Variants in FGGY observed in about 807,000 individuals in gnomAD.
FGGY encodes the protein FGGY carbohydrate kinase domain-containing protein.
FGGY carries 72 observed loss-of-function variants against 71.3 expected under a neutral mutation model. The ratio of observed to expected loss-of-function variants is 1.01; its 90% CI spans 0.84 to 1.23. FGGY has a LOEUF of 1.23. Among genes scored for constraint, FGGY ranks in the 50% most tolerant of loss-of-function variants. FGGY has a pLI of 0.00. For missense variants in FGGY, 668 were observed against 682.3 expected (o/e 0.98, Z 0.23); for synonymous variants, 251 against 250.3 (o/e 1.00, Z -0.02).
chr1:59,351,556 G>A (rs181470871), intron 4 of FGGY, among the ~76,000 whole-genome samples: 2 of 152,236 alleles, frequency 1.3e-5, no homozygotes, highest in African/African-American at 2.4e-5. Context: ...TATCCACCTC[G>A]TTCTTTGCTA....
chr1:59,678,034 G>A (rs990551188), intron 14 of FGGY, among the ~76,000 whole-genome samples: 1 of 152,150 alleles, frequency 6.6e-6, no homozygotes, highest in African/African-American at 2.4e-5. Context: ...TTTAGAAAGG[G>A]TGTTTTCCTT....
chr1:59,612,563 C>G (rs979613915), intron 9 of FGGY, among the ~76,000 whole-genome samples: 12 of 152,172 alleles, frequency 7.9e-5, no homozygotes, highest in African/African-American at 2.9e-4. Flanking sequence ...TAAAGACCAT[C>G]AAGGCTGGGA....
At chr1:59,519,938 G>C (rs1287938465) in intron 7 of FGGY, among the ~76,000 whole-genome samples, 1 of 152,210 alleles carries the variant, frequency 6.6e-6, no homozygotes, top group Non-Finnish European at 1.5e-5. Flanking sequence ...CCCCTCAGGG[G>C]ACATTTGGCA....
intron 10 of FGGY, among the ~76,000 whole-genome samples, chr1:59,630,277 C>T (rs1406936749): frequency 6.6e-6 from 1 of 152,100 alleles, no homozygotes; most frequent in Non-Finnish European, 1.5e-5. Context: ...TTGGTAGGGA[C>T]ACAGCCAAAC....
chr1:59,544,905 A>G (rs2095498730), intron 7 of FGGY, among the ~76,000 whole-genome samples: 1 of 152,078 alleles, frequency 6.6e-6, no homozygotes, highest in South Asian at 2.1e-4. Context: ...TGTGTATTTG[A>G]CTTTGTCTCT....
At chr1:59,517,335 G>A (rs968679168) in intron 7 of FGGY, among the ~76,000 whole-genome samples, 3 of 141,542 alleles carry the variant, frequency 2.1e-5, no homozygotes, top group East Asian at 2.1e-4. Context: ...GCGGGATCTC[G>A]GCTCACTGCA....
chr1:59,575,997 T>C (rs1421722522), intron 8 of FGGY, among the ~76,000 whole-genome samples: 1 of 152,150 alleles, frequency 6.6e-6, no homozygotes, highest in African/African-American at 2.4e-5. Context: ...CTTCCCTTCT[T>C]TATATCTTCT....
chr1:59,699,020 G>A, intron 14 of FGGY: 2 of 985,332 alleles, frequency 2.0e-6, no homozygotes, highest in Non-Finnish European at 2.4e-6. Context: ...TATAGCTTTT[G>A]GTTGAATATC....
intron 8 of FGGY, among the ~76,000 whole-genome samples, chr1:59,599,631 T>C (rs1326831961): frequency 1.3e-5 from 2 of 148,328 alleles, no homozygotes; most frequent in Admixed American, 6.8e-5. Context: ...GAGGCAGAGG[T>C]TGCAGTGAGC....
intron 14 of FGGY, among the ~76,000 whole-genome samples, chr1:59,734,987 A>G (rs2098087497): frequency 6.6e-6 from 1 of 152,242 alleles, no homozygotes; most frequent in Admixed American, 6.5e-5. Context: ...AAAGATTCCA[A>G]GGTTATTAAA....
chr1:59,672,653 C>T (rs769439957), intron 13 of FGGY, among the ~76,000 whole-genome samples: 17 of 152,130 alleles, frequency 1.1e-4, no homozygotes, highest in Admixed American at 7.2e-4. Context: ...ACTCCCCTGC[C>T]CTTTTTCTCT....
At chr1:59,555,225 A>G (rs539786246) in intron 8 of FGGY, among the ~76,000 whole-genome samples, 7 of 152,334 alleles carry the variant, frequency 4.6e-5, no homozygotes, top group South Asian at 2.1e-4. Context: ...AGGCCCCCCA[A>G]TGTAGATACA....
intron 14 of FGGY, among the ~76,000 whole-genome samples, chr1:59,704,923 A>C (rs2097743569): frequency 6.6e-6 from 1 of 152,208 alleles, no homozygotes; most frequent in Non-Finnish European, 1.5e-5. Flanking sequence ...TGCCTTTGCC[A>C]ATGCTGGATA....
chr1:59,651,463 T>G (rs1390147432), intron 11 of FGGY, among the ~76,000 whole-genome samples: 4 of 148,256 alleles, frequency 2.7e-5, no homozygotes, highest in Admixed American at 2.7e-4. Context: ...ATATTTAGGA[T>G]AGTTAGCTCT....
At chr1:59,482,526 A>G (rs1352324115) in intron 6 of FGGY, among the ~76,000 whole-genome samples, 1 of 151,664 alleles carries the variant, frequency 6.6e-6, no homozygotes, top group Non-Finnish European at 1.5e-5. Flanking sequence ...ATTATTTCCC[A>G]CAGAGAATTA....
chr1:59,570,745 C>T (rs2095971013), intron 8 of FGGY, among the ~76,000 whole-genome samples: 2 of 152,152 alleles, frequency 1.3e-5, no homozygotes, highest in African/African-American at 4.8e-5. Context: ...CCCACAGTGC[C>T]AAGCTGAAGT....
In FGGY at chr1:59,341,636, A is replaced by G. The variant is rs376271382; in HGVS notation, c.313+1567A>G. 4.9e-4 allele frequency among the ~76,000 whole-genome samples: 75 copies of G among 152,254 alleles called. 3 individuals carry two copies. The South Asian group carries it at 0.015, about 31-fold the overall frequency. ...CGGTTCTTTTTCTTGGTGGCTGTTC[A>G]TTGGCTCAGTTGGCACTGTTCTGGC... On this transcript the variant is annotated intron_variant, in intron 3 of 15. Transcript: ENST00000303721.
chr1:59,725,362 T>G (rs1431737767), intron 14 of FGGY, among the ~76,000 whole-genome samples: 2 of 152,226 alleles, frequency 1.3e-5, no homozygotes, highest in South Asian at 2.1e-4. Flanking sequence ...TTACACTGTC[T>G]TAATTATTGT....
chr1:59,352,523 C>G (rs1367234808), intron 4 of FGGY, among the ~76,000 whole-genome samples: 1 of 152,154 alleles, frequency 6.6e-6, no homozygotes. Context: ...CCTGTCTGTG[C>G]CCCTGTGCTT....
Sources: gnomAD v4.1 joint callset for allele counts (sites outside exome capture counted in the v4.1 genomes callset) on GRCh38, gnomAD v4.1.1 for gene constraint, MANE v1.5 for transcripts, NCBI Gene and HGNC (gene_info 2026-07-23, HGNC 2026-07-21) for gene names.